The following KMT5B variants were observed in gnomAD, a reference collection of about 807,000 sequenced individuals.
KMT5B encodes the protein histone-lysine N-methyltransferase KMT5B.
Under a neutral mutation model 83.2 loss-of-function variants are expected in KMT5B, and 10 were observed. That is an observed-to-expected ratio of 0.12 (90% CI 0.07 to 0.20). The LOEUF (loss-of-function observed/expected upper bound fraction) is 0.20, where lower values mean the gene tolerates loss of function less well. KMT5B is among the 10% of genes least tolerant of loss of function. KMT5B has a pLI of 1.00. For synonymous variants in KMT5B, 349 were observed against 388.8 expected, an observed-to-expected ratio of 0.90 and a Z score of 1.20; for missense variants, 753 against 1,067.2, an observed-to-expected ratio of 0.71 and a Z score of 4.10.
In KMT5B at chr11:68,175,079, T is replaced by A. The variant is rs770942434; in HGVS notation, c.482A>T (p.Glu161Val). The change falls in exon 5 of 11, where the codon GAA (glutamate) becomes GTA (valine). Residue 161 changes from glutamate to valine, a missense_variant. Physicochemically the swap from Glu to Val is moderately radical, Grantham distance 121. Transcript: ENST00000304363. ...EKAFKCLTSG[E>V]WARHYFLNKN... is the part of the protein sequence containing the mutation. ...GTTGAGAAAATAGTGCCGTGCCCATTCGCCTGAAGTCAAACATTTGAAGGC... is the reference window on the plus strand; with the variant it reads ...GTTGAGAAAATAGTGCCGTGCCCATACGCCTGAAGTCAAACATTTGAAGGC... 4 of 1,614,160 alleles carry A rather than the reference T, an allele frequency of 2.5e-6. No homozygotes were observed. Among genetic ancestry groups the A allele is most frequent in the Non-Finnish European group, 3.4e-6 (4 of 1,180,000 alleles).
intron 1 of KMT5B, among the ~76,000 whole-genome samples, chr11:68,206,509 G>A (rs968379953): frequency 3.9e-5 from 6 of 152,164 alleles, no homozygotes; most frequent in African/African-American, 1.4e-4. Context: ...CCCGCACAGG[G>A]ATTAAGGATG....
chr11:68,196,438 T>G, intron 1 of KMT5B, among the ~76,000 whole-genome samples: 1 of 149,390 alleles, frequency 6.7e-6, no homozygotes, highest in East Asian at 1.9e-4. Flanking sequence ...GAGAATCTAT[T>G]TTTCTTATCT....
chr11:68,177,478 AG>A (rs1856494282), intron 4 of KMT5B, among the ~76,000 whole-genome samples: 1 of 152,160 alleles, frequency 6.6e-6, no homozygotes, highest in African/African-American at 2.4e-5. Flanking sequence ...GAAAGACATG[AG>A]GTCCTGAACA....
In KMT5B at chr11:68,158,168, G is replaced by A; in HGVS notation, c.2178C>T (p.Ser726=). 1 of 1,614,116 alleles carries A rather than the reference G, an allele frequency of 6.2e-7. No individual in the cohort carries two copies. The highest frequency in any genetic ancestry group is 1.1e-5 in the South Asian group (1 of 91,078). The part of the protein sequence containing the change: ...PKLTLRRRHD[S]SSKTNDQEND... ...TCTCTTGGTCATTTGTTTTGCTGCT[G>A]CTATCATGACGCCTACGAAGAGTCA... Residue 726 remains serine (S), a synonymous_variant, in exon 11 of 11, where the codon AGC becomes AGT. Transcript: ENST00000304363.
Position 68,166,459 on chromosome 11 carries a change from C to T in KMT5B, c.1174+523G>A, listed in dbSNP as rs560368673. ...GGCACTGTTCAAAATGCTCCTCTAT[C>T]ACAATTCTGAGTCTGGTACTGGTGG... is the stretch of plus-strand genomic sequence containing the variant. On this transcript the variant is annotated intron_variant, in intron 10 of 10. Coordinates refer to ENST00000304363, the MANE Select transcript of KMT5B (RefSeq NM_017635.5). 3 of 1,000,702 alleles carry T rather than the reference C, an allele frequency of 3.0e-6. No homozygotes were observed. In the East Asian group the frequency reaches 3.1e-4, roughly 103 times the overall value. 62.0% of individuals were successfully genotyped at this position (1,000,702 alleles called of 1,614,324 possible).
intron 5 of KMT5B, among the ~76,000 whole-genome samples, chr11:68,174,682 T>A (rs544122858): frequency 9.2e-5 from 14 of 152,220 alleles, no homozygotes; most frequent in Admixed American, 7.2e-4. Context: ...ACTACAAAGG[T>A]ACACACTACT....
In KMT5B at chr11:68,171,649, C is replaced by T. The variant is rs911373186; in HGVS notation, c.714G>A (p.Glu238=). 6.2e-7 allele frequency: 1 copy of T among 1,613,894 alleles called. No homozygotes were observed. The highest frequency in any genetic ancestry group is 8.5e-7 in the Non-Finnish European group (1 of 1,179,914). Reference sequence around the variant, plus strand: ...CTCCATGTCTAAGTAGCATGTTCTCCTCAATTTCTGAAAGTTCGGCAATAC... The same window carrying T: ...CTCCATGTCTAAGTAGCATGTTCTCTTCAATTTCTGAAAGTTCGGCAATAC... ...VGCIAELSEI[E]ENMLLRHGEN... is the part of the protein sequence containing the mutation. Residue 238 remains glutamate (E), a synonymous_variant, in exon 7 of 11, where the codon GAG becomes GAA. Coordinates refer to ENST00000304363, the MANE Select transcript of KMT5B (RefSeq NM_017635.5). This position sits in a 1 kb window ranked among gnomAD's most constrained non-coding sequence, Gnocchi z 5.1.
At chr11:68,169,291 T>C (rs1855620492) in intron 9 of KMT5B, among the ~76,000 whole-genome samples, 1 of 152,230 alleles carries the variant, frequency 6.6e-6, no homozygotes, top group Non-Finnish European at 1.5e-5. Flanking sequence ...GTTTCGGTGT[T>C]GGTTTGGAAT....
intron 9 of KMT5B, among the ~76,000 whole-genome samples, chr11:68,168,312 C>T: frequency 6.6e-6 from 1 of 151,192 alleles, no homozygotes; most frequent in Non-Finnish European, 1.5e-5. Flanking sequence ...TCCCTATAAG[C>T]TTATAGGAGC....
intron 1 of KMT5B, among the ~76,000 whole-genome samples, chr11:68,207,060 G>A (rs1860211476): frequency 1.3e-5 from 2 of 152,024 alleles, no homozygotes; most frequent in South Asian, 4.1e-4. Context: ...GGCTAACACG[G>A]TGAAACCCCG....
intron 1 of KMT5B, among the ~76,000 whole-genome samples, chr11:68,211,329 T>G (rs937930946): frequency 9.9e-5 from 15 of 152,080 alleles, no homozygotes; most frequent in African/African-American, 3.6e-4. Context: ...TTCAGGGTGT[T>G]TGGGAAAGCA....
chr11:68,213,164 G>C lies in KMT5B; in HGVS notation c.-103C>G, dbSNP rs1379920795. ...GCCTGCGCCGCCCCGCTCCTCCTCG[G>C]GGCGCGTCCCAGGCCCCGCTGCCCG... On this transcript the variant is annotated 5_prime_UTR_variant, in exon 1 of 11. Coordinates refer to ENST00000304363, the MANE Select transcript of KMT5B (RefSeq NM_017635.5). 4.4e-5 allele frequency: 6 copies of C among 136,232 alleles called. No individual in the cohort carries two copies. Among genetic ancestry groups the C allele is most frequent in the African/African-American group, 1.6e-4 (6 of 37,574 alleles). 8.4% of individuals were successfully genotyped at this position (136,232 alleles called of 1,614,324 possible). A position where few individuals can be genotyped will look rare whatever the true frequency, so the allele number is the denominator to read the frequency against.
At chr11:68,191,909 A>G (rs1367488565) in intron 1 of KMT5B, among the ~76,000 whole-genome samples, 4 of 152,214 alleles carry the variant, frequency 2.6e-5, no homozygotes, top group African/African-American at 4.8e-5. Context: ...AGTTCCATTC[A>G]TGGGAAGTGC....
chr11:68,205,613 A>G (rs998362054), intron 1 of KMT5B, among the ~76,000 whole-genome samples: 20 of 150,756 alleles, frequency 1.3e-4, no homozygotes, highest in Non-Finnish European at 2.5e-4. Context: ...ATGATCAGAC[A>G]TTCGCAATTC....
At chr11:68,202,650 G>A (rs963253449) in intron 1 of KMT5B, among the ~76,000 whole-genome samples, 3 of 148,208 alleles carry the variant, frequency 2.0e-5, no homozygotes, top group Admixed American at 1.4e-4. Flanking sequence ...CCGGGTTCAA[G>A]CGATTCTCCT....
intron 2 of KMT5B, among the ~76,000 whole-genome samples, chr11:68,188,297 T>C (rs1857649970): frequency 6.6e-6 from 1 of 152,034 alleles, no homozygotes; most frequent in African/African-American, 2.4e-5. Flanking sequence ...GTGCTGGGAT[T>C]ACAGGCGTGA....
chr11:68,201,408 T>C (rs972931218), intron 1 of KMT5B, among the ~76,000 whole-genome samples: 2 of 152,206 alleles, frequency 1.3e-5, no homozygotes, highest in Non-Finnish European at 2.9e-5. Context: ...TCTATGCCAG[T>C]GATGGCCCCT....
intron 1 of KMT5B, among the ~76,000 whole-genome samples, chr11:68,210,465 G>A (rs1035364628): frequency 1.3e-5 from 2 of 152,152 alleles, no homozygotes; most frequent in African/African-American, 4.8e-5. Flanking sequence ...TTTTGGATTG[G>A]AAGTGACCTC....
At chr11:68,209,098 A>G (rs1456712148) in intron 1 of KMT5B, among the ~76,000 whole-genome samples, 1 of 152,194 alleles carries the variant, frequency 6.6e-6, no homozygotes, top group African/African-American at 2.4e-5. Context: ...TGGTTTTCTT[A>G]CTAAAAATAT....
Sources: gnomAD v4.1 joint callset for allele counts (sites outside exome capture counted in the v4.1 genomes callset) on GRCh38, gnomAD v4.1.1 for gene constraint, Gnocchi (gnomAD v3.1) non-coding constraint, MANE v1.5 for transcripts, NCBI Gene and HGNC (gene_info 2026-07-23, HGNC 2026-07-21) for gene names.